Variants in HS2ST1 observed in about 807,000 individuals in gnomAD.
HS2ST1 encodes heparan sulfate 2-O-sulfotransferase 1.
Under a neutral mutation model 42.9 loss-of-function variants are expected in HS2ST1, and 18 were observed. That is an observed-to-expected ratio of 0.42 (90% CI 0.29 to 0.62). The LOEUF is 0.62. Among genes scored for constraint, HS2ST1 ranks in the 20% least tolerant of loss-of-function variants. The pLI is 0.21. For synonymous variants in HS2ST1, 146 were observed against 152.9 expected (o/e 0.95, Z 0.33); for missense variants, 334 against 433.8 (o/e 0.77, Z 2.04).
intron 1 of HS2ST1, among the ~76,000 whole-genome samples, chr1:86,975,612 AG>A (rs1333832955): frequency 6.6e-6 from 1 of 152,226 alleles, no homozygotes; most frequent in Non-Finnish European, 1.5e-5. Context: ...GTTGATATCA[AG>A]ATGGCATTAA....
At chr1:86,976,704 G>GTATGTGTATATATA (rs1553134338) in intron 1 of HS2ST1, among the ~76,000 whole-genome samples, 1 of 79,710 alleles carries the variant, frequency 1.3e-5, no homozygotes, top group African/African-American at 3.5e-5. Flanking sequence ...TTATAAAATT[G>GTATGTGTATATATA]TATATATATA....
intron 1 of HS2ST1, among the ~76,000 whole-genome samples, chr1:87,013,106 C>A (rs552943496): frequency 4.6e-5 from 7 of 152,200 alleles, no homozygotes; most frequent in Non-Finnish European, 1.0e-4. Flanking sequence ...GTCTGGAGTA[C>A]AGTGCCCCTC....
chr1:86,975,189 A>C (rs1648361008), intron 1 of HS2ST1, among the ~76,000 whole-genome samples: 1 of 152,108 alleles, frequency 6.6e-6, no homozygotes, highest in Admixed American at 6.6e-5. Flanking sequence ...AAAGTTTTAT[A>C]CGCATATTTT....
chr1:87,100,217 G>A (rs1396027835), intron 5 of HS2ST1, among the ~76,000 whole-genome samples: 1 of 152,186 alleles, frequency 6.6e-6, no homozygotes, highest in Non-Finnish European at 1.5e-5. Context: ...GGTGGAATCT[G>A]CAATCTAGGT....
intron 1 of HS2ST1, among the ~76,000 whole-genome samples, chr1:86,987,963 T>C (rs1377313227): frequency 6.6e-6 from 1 of 152,226 alleles, no homozygotes; most frequent in East Asian, 1.9e-4. Context: ...ATTCATTTTT[T>C]CAATTACAAT....
At chr1:86,971,626 A>C (rs1257531214) in intron 1 of HS2ST1, among the ~76,000 whole-genome samples, 1 of 152,200 alleles carries the variant, frequency 6.6e-6, no homozygotes, top group Non-Finnish European at 1.5e-5. Flanking sequence ...TGAGCATTTC[A>C]CAGCAGAAAG....
intron 1 of HS2ST1, among the ~76,000 whole-genome samples, chr1:86,946,051 A>G (rs1259957243): frequency 6.6e-6 from 1 of 152,232 alleles, no homozygotes; most frequent in African/African-American, 2.4e-5. Flanking sequence ...TCTGGGCGAA[A>G]TAAACATTGG....
At chr1:87,098,246 A>G (rs1652117344) in intron 5 of HS2ST1, 1 of 1,019,518 alleles carries the variant, frequency 9.8e-7, no homozygotes, top group Non-Finnish European at 1.2e-6. Context: ...GGTGTCATAA[A>G]TCTTATTTTG....
At chr1:86,921,261 T>C (rs915020511) in intron 1 of HS2ST1, among the ~76,000 whole-genome samples, 1 of 152,316 alleles carries the variant, frequency 6.6e-6, no homozygotes, top group East Asian at 1.9e-4. Flanking sequence ...TTGAAATCTT[T>C]GATAATTGTG....
chr1:87,104,583 G>A lies in HS2ST1; in HGVS notation c.958G>A (p.Ala320Thr). 6.2e-7 allele frequency: 1 copy of A among 1,613,040 alleles called. No individual in the cohort carries two copies. Among genetic ancestry groups the A allele is most frequent in the Non-Finnish European group, 8.5e-7 (1 of 1,179,080 alleles). Residue 320 changes from alanine (A) to threonine (T), a missense_variant, in exon 7 of 7, where the codon GCA (alanine) becomes ACA (threonine). By Grantham distance (58) the Ala-to-Thr change is moderately conservative. Transcript: ENST00000370550. ...AATGGAGAATGAGTTCTATGAATTT[G>A]CACTAGAGCAGTTCCAATTCATCAG... Reference protein sequence around the residue: ...WKMENEFYEFALEQFQFIRAH... With the variant: ...WKMENEFYEFTLEQFQFIRAH...
chr1:87,092,902 T>A (rs1372772148), intron 4 of HS2ST1, among the ~76,000 whole-genome samples: 2 of 151,986 alleles, frequency 1.3e-5, no homozygotes, highest in Non-Finnish European at 2.9e-5. Context: ...CGGAATCGTG[T>A]TTTCTTTATG....
chr1:86,968,044 T>G (rs1370138785), intron 1 of HS2ST1, among the ~76,000 whole-genome samples: 1 of 152,210 alleles, frequency 6.6e-6, no homozygotes, highest in Non-Finnish European at 1.5e-5. Context: ...CCCTGATGAT[T>G]AGTGATGTTG....
chr1:87,053,479 A>C (rs1650882943), intron 1 of HS2ST1, among the ~76,000 whole-genome samples: 1 of 152,188 alleles, frequency 6.6e-6, no homozygotes, highest in Admixed American at 6.5e-5. Flanking sequence ...GTGCATTAAA[A>C]ATTTTTTAAT....
At chr1:86,975,064 A>G (rs1648354844) in intron 1 of HS2ST1, among the ~76,000 whole-genome samples, 1 of 152,072 alleles carries the variant, frequency 6.6e-6, no homozygotes, top group Non-Finnish European at 1.5e-5. Context: ...GAAAGTTATT[A>G]TTTGGTAATC....
intron 1 of HS2ST1, chr1:87,046,100 T>G (rs1332233118): frequency 3.0e-6 from 2 of 673,010 alleles, no homozygotes; most frequent in African/African-American, 3.5e-5. Flanking sequence ...ATGTGGCATA[T>G]TTTTGACAGT....
At chr1:87,070,531 G>T (rs1234660313) in intron 1 of HS2ST1, among the ~76,000 whole-genome samples, 2 of 152,126 alleles carry the variant, frequency 1.3e-5, no homozygotes, top group Admixed American at 1.3e-4. Context: ...GGTCGAGGCT[G>T]CAGTGAGCCA....
intron 1 of HS2ST1, among the ~76,000 whole-genome samples, chr1:87,015,086 G>A (rs143364363): frequency 6.6e-6 from 1 of 152,036 alleles, no homozygotes; most frequent in African/African-American, 2.4e-5. Flanking sequence ...GTGTCGCTCT[G>A]TCACCAAGCT....
At chr1:86,979,501 T>C (rs1237955837) in intron 1 of HS2ST1, among the ~76,000 whole-genome samples, 1 of 152,244 alleles carries the variant, frequency 6.6e-6, no homozygotes, top group Non-Finnish European at 1.5e-5. Flanking sequence ...CTCAACATAA[T>C]GTCTTCAATG....
At chr1:86,923,893 G>A (rs979524247) in intron 1 of HS2ST1, among the ~76,000 whole-genome samples, 7 of 152,056 alleles carry the variant, frequency 4.6e-5, no homozygotes, top group African/African-American at 1.7e-4. Flanking sequence ...CAAATCTCAT[G>A]TCCTCACATT....
Sources: gnomAD v4.1 joint callset for allele counts (sites outside exome capture counted in the v4.1 genomes callset) on GRCh38, gnomAD v4.1.1 for gene constraint, MANE v1.5 for transcripts, NCBI Gene and HGNC (gene_info 2026-07-23, HGNC 2026-07-21) for gene names.